Variants in TTC29 observed in about 807,000 individuals in gnomAD.
TTC29 encodes tetratricopeptide repeat domain 29.
Under a neutral mutation model 58.1 loss-of-function variants are expected in TTC29, and 49 were observed. The ratio of observed to expected loss-of-function variants is 0.84; its 90% CI spans 0.67 to 1.07. The LOEUF (loss-of-function observed/expected upper bound fraction) is 1.07, where lower values mean the gene tolerates loss of function less well. Among genes scored for constraint, TTC29 ranks in the 50% least tolerant of loss-of-function variants. The pLI, the probability that TTC29 is intolerant of heterozygous loss-of-function variation, is 0.00. For missense variants in TTC29, 582 were observed against 555.6 expected, an observed-to-expected ratio of 1.05 and a Z score of -0.48; for synonymous variants, 209 against 196.8, an observed-to-expected ratio of 1.06 and a Z score of -0.52.
intron 4 of TTC29, among the ~76,000 whole-genome samples, chr4:146,927,400 G>T (rs567015822): frequency 6.6e-6 from 1 of 152,082 alleles, no homozygotes; most frequent in African/African-American, 2.4e-5. Flanking sequence ...TCCATTATAC[G>T]TGGCAGCCTC....
chr4:146,919,779 A>T (rs1366509193), intron 4 of TTC29, among the ~76,000 whole-genome samples: 1 of 151,220 alleles, frequency 6.6e-6, no homozygotes, highest in African/African-American at 2.4e-5. Flanking sequence ...TTATAAATAA[A>T]AGAACTATCA....
intron 6 of TTC29, among the ~76,000 whole-genome samples, chr4:146,885,957 A>G (rs1219379649): frequency 6.6e-6 from 1 of 152,070 alleles, no homozygotes; most frequent in East Asian, 1.9e-4. Flanking sequence ...ATTACTTTCC[A>G]TATTTCATCT....
chr4:146,915,390 G>A (rs1734156267), intron 4 of TTC29, among the ~76,000 whole-genome samples: 1 of 152,026 alleles, frequency 6.6e-6, no homozygotes, highest in African/African-American at 2.4e-5. Flanking sequence ...AGGTTGGGTT[G>A]GAGACAGAGA....
chr4:146,882,516 G>A (rs149385939), intron 6 of TTC29, among the ~76,000 whole-genome samples: 193 of 152,106 alleles, frequency 1.3e-3, no homozygotes, highest in African/African-American at 4.2e-3. Context: ...TAACTAAAAA[G>A]TGTCGATAGG....
At chr4:146,934,393 C>T (rs56152153) in intron 4 of TTC29, 11,448 of 151,994 alleles carry the variant, frequency 0.075, 1,450 homozygotes, top group African/African-American at 0.26. Flanking sequence ...GGCTGTGGGA[C>T]GAATATTGGG....
At chr4:146,910,229 T>C (rs1191035850) in intron 4 of TTC29, among the ~76,000 whole-genome samples, 5 of 151,782 alleles carry the variant, frequency 3.3e-5, no homozygotes, top group Non-Finnish European at 7.4e-5. Context: ...TCCCTGGGTC[T>C]CCAGTCTTCT....
At chr4:146,852,194 T>C (rs1729556838) in intron 8 of TTC29, among the ~76,000 whole-genome samples, 1 of 152,224 alleles carries the variant, frequency 6.6e-6, no homozygotes, top group African/African-American at 2.4e-5. Context: ...GCGATTTCTT[T>C]TTTAAGCTTC....
chr4:146,799,625 C>T (rs1428227625), intron 11 of TTC29, among the ~76,000 whole-genome samples: 1 of 152,156 alleles, frequency 6.6e-6, no homozygotes, highest in Non-Finnish European at 1.5e-5. Flanking sequence ...TCTTTAAGTA[C>T]TGACTGCCAG....
intron 10 of TTC29, chr4:146,813,057 T>C (rs1342246973): frequency 1.3e-5 from 2 of 152,248 alleles, no homozygotes; most frequent in Admixed American, 1.3e-4. Context: ...AGGATCTTGA[T>C]GACATCATAG....
intron 6 of TTC29, among the ~76,000 whole-genome samples, chr4:146,900,515 G>A (rs767113745): frequency 1.4e-4 from 21 of 152,160 alleles, no homozygotes; most frequent in Non-Finnish European, 2.9e-4. Context: ...CTCAGTTGCT[G>A]CGTGGCTGCC....
intron 4 of TTC29, among the ~76,000 whole-genome samples, chr4:146,919,374 T>C (rs1734438335): frequency 6.6e-6 from 1 of 150,968 alleles, no homozygotes; most frequent in Non-Finnish European, 1.5e-5. Flanking sequence ...TGATACAAAA[T>C]AAATTCAAAT....
At chr4:146,861,117 T>C (rs1055103883) in intron 8 of TTC29, among the ~76,000 whole-genome samples, 2 of 152,176 alleles carry the variant, frequency 1.3e-5, no homozygotes, top group Admixed American at 1.3e-4. Context: ...CCTAGAATCA[T>C]TAAGTGAATT....
rs57486017 is a variant in TTC29, at chr4:146,801,978, CAAAAAAAAAAA to C, written c.1330+1468_1330+1478del. ...TGGACAACAGAGCGAGACTCTGTCT[CAAAAAAAAAAA>C]AAAAAAAAAAAAAAAAAAAAGAGAC... On this transcript the variant is annotated intron_variant, in intron 11 of 12. Coordinates refer to ENST00000325106, the MANE Select transcript of TTC29 (RefSeq NM_031956.4). Among the ~76,000 whole-genome samples, 193 of 38,798 alleles carry C rather than the reference CAAAAAAAAAAA, an allele frequency of 5.0e-3. 2 individuals carry two copies. In the East Asian group the frequency reaches 0.1, roughly 20 times the overall value. The allele number at this position is 38,798 out of a possible 152,430, so 25.5% of individuals were successfully genotyped here.
intron 10 of TTC29, among the ~76,000 whole-genome samples, chr4:146,812,189 A>G (rs1286596444): frequency 6.6e-6 from 1 of 152,176 alleles, no homozygotes; most frequent in East Asian, 1.9e-4. Flanking sequence ...AAGACATAGG[A>G]CAAAATATAT....
chr4:146,933,351 C>T (rs1433474202), intron 4 of TTC29, among the ~76,000 whole-genome samples: 1 of 152,208 alleles, frequency 6.6e-6, no homozygotes, highest in Non-Finnish European at 1.5e-5. Context: ...TGTTTCCTCA[C>T]ATACATAGCT....
chr4:146,832,731 A>T (rs988166915), intron 9 of TTC29, among the ~76,000 whole-genome samples: 3 of 151,994 alleles, frequency 2.0e-5, no homozygotes, highest in Admixed American at 2.0e-4. Context: ...ACCTCAGGTG[A>T]TCTGCTCACC....
rs183455934 is a variant in TTC29 at position 146,840,376 on chromosome 4, C to A, written c.886-6479G>T. Among the ~76,000 whole-genome samples the A allele has an allele frequency of 3.1e-3, 473 of 152,110 alleles. 2 individuals carry two copies. Among genetic ancestry groups the A allele is most frequent in the South Asian group, 0.011 (55 of 4,820 alleles). On this transcript the variant is annotated intron_variant, in intron 8 of 12. Coordinates refer to ENST00000325106, the MANE Select transcript of TTC29 (RefSeq NM_031956.4). ...CTTCATAACGCCCAACCTTCAGAACCAATGTATTATGCAAAGAACTCTTCC... is the reference window on the plus strand; with the variant it reads ...CTTCATAACGCCCAACCTTCAGAACAAATGTATTATGCAAAGAACTCTTCC...
chr4:146,719,928 T>TA (rs1326961092), intron 11 of TTC29, among the ~76,000 whole-genome samples: 15 of 152,132 alleles, frequency 9.9e-5, no homozygotes, highest in Non-Finnish European at 1.8e-4. Context: ...GCCACGTAAG[T>TA]GAAACTTGGT....
At chr4:146,781,625 T>G (rs1036238266) in intron 11 of TTC29, among the ~76,000 whole-genome samples, 2 of 151,964 alleles carry the variant, frequency 1.3e-5, no homozygotes, top group Admixed American at 6.6e-5. Flanking sequence ...TAAAACCAAC[T>G]CACTATATGT....
Sources: gnomAD v4.1 joint callset for allele counts (sites outside exome capture counted in the v4.1 genomes callset) on GRCh38, gnomAD v4.1.1 for gene constraint, MANE v1.5 for transcripts, NCBI Gene and HGNC (gene_info 2026-07-23, HGNC 2026-07-21) for gene names.